Variants in KSR1 observed in about 807,000 individuals in gnomAD.
KSR1 encodes kinase suppressor of ras.
KSR1 carries 35 observed loss-of-function variants against 92.9 expected under a neutral mutation model. The ratio of observed to expected loss-of-function variants is 0.38; its 90% CI spans 0.29 to 0.50. The LOEUF (loss-of-function observed/expected upper bound fraction) is 0.50. KSR1 is among the 20% of genes least tolerant of loss of function. The pLI, the probability that KSR1 is intolerant of heterozygous loss-of-function variation, is 0.94. For synonymous variants in KSR1, 467 were observed against 472.6 expected, an observed-to-expected ratio of 0.99 and a Z score of 0.15; for missense variants, 972 against 1,158.5, an observed-to-expected ratio of 0.84 and a Z score of 2.34.
intron 1 of KSR1, among the ~76,000 whole-genome samples, chr17:27,482,390 G>A (rs1436626982): frequency 6.6e-6 from 1 of 152,210 alleles, no homozygotes; most frequent in Non-Finnish European, 1.5e-5. Flanking sequence ...GAATGTGTAC[G>A]ACCTCTGGTA....
intron 11 of KSR1, among the ~76,000 whole-genome samples, chr17:27,602,426 T>C (rs1248520679): frequency 1.3e-5 from 2 of 152,226 alleles, no homozygotes; most frequent in African/African-American, 2.4e-5. Flanking sequence ...TGGGAAGATA[T>C]GGCTCTTCTC....
intron 1 of KSR1, among the ~76,000 whole-genome samples, chr17:27,532,417 G>A (rs1639258891): frequency 1.3e-5 from 2 of 152,338 alleles, no homozygotes; most frequent in African/African-American, 2.4e-5. Flanking sequence ...TTTCAGGTAC[G>A]GGCTGCTCTG....
In KSR1 at chr17:27,508,709, T is replaced by TTTTTTTTATTTA. The variant is rs1555572323; in HGVS notation, c.232-41856_232-41855insTTTTATTTATTT. The stretch of plus-strand genomic sequence containing the variant: ...TTTCCTAGGTTTGGGCCTGAATTTT[T>TTTTTTTTATTTA]TTTATTTATTTATTTATTTATTTAT... On this transcript the variant is annotated intron_variant, in intron 1 of 20. Coordinates refer to ENST00000644974, the MANE Select transcript of KSR1 (RefSeq NM_001394583.1). Among the ~76,000 whole-genome samples, 180 of 138,326 alleles carry TTTTTTTTATTTA rather than the reference T, an allele frequency of 1.3e-3. 1 individual carries two copies. Among genetic ancestry groups the TTTTTTTTATTTA allele is most frequent in the South Asian group, 5.6e-3 (23 of 4,116 alleles). The allele number at this position is 138,326 out of a possible 152,430, so 90.7% of individuals were successfully genotyped here.
intron 1 of KSR1, among the ~76,000 whole-genome samples, chr17:27,540,722 TGGGCGCCCTTGA>T (rs2070933358): frequency 6.6e-6 from 1 of 152,206 alleles, no homozygotes; most frequent in African/African-American, 2.4e-5. Context: ...TCAGCCCCCG[TGGGCGCCCTTGA>T]GGGCTGGGCA....
intron 1 of KSR1, among the ~76,000 whole-genome samples, chr17:27,457,089 G>T (rs2019208620): frequency 6.6e-6 from 1 of 152,152 alleles, no homozygotes; most frequent in South Asian, 2.1e-4. Flanking sequence ...GTGGGAACTG[G>T]GATGGAGGCT....
intron 18 of KSR1, among the ~76,000 whole-genome samples, chr17:27,614,099 G>A (rs1028873596): frequency 6.6e-6 from 1 of 152,184 alleles, no homozygotes; most frequent in South Asian, 2.1e-4. Flanking sequence ...CCCATGCCTG[G>A]CATAGTCTTT....
Position 27,577,653 on chromosome 17 carries a change from G to C in KSR1, c.520+14G>C. On this transcript the variant is annotated intron_variant, in intron 3 of 20. Coordinates refer to ENST00000644974, the MANE Select transcript of KSR1 (RefSeq NM_001394583.1). The surrounding 1 kb of genome is among the most constrained non-coding windows in gnomAD (Gnocchi z 4.5). ...TGACAGGCCTGGGTACGTGGGGCCTGCCACCCTCTCCCTTGCCTGGCCTGG... is the reference window on the plus strand; with the variant it reads ...TGACAGGCCTGGGTACGTGGGGCCTCCCACCCTCTCCCTTGCCTGGCCTGG... 6.5e-7 allele frequency: 1 copy of C among 1,535,778 alleles called. No homozygotes were observed. Among genetic ancestry groups the C allele is most frequent in the Non-Finnish European group, 8.8e-7 (1 of 1,142,350 alleles).
intron 1 of KSR1, among the ~76,000 whole-genome samples, chr17:27,511,755 G>T (rs2069608378): frequency 6.6e-6 from 1 of 152,206 alleles, no homozygotes; most frequent in Non-Finnish European, 1.5e-5. Context: ...AGGTGAGGGG[G>T]CTCTCAGGGT....
chr17:27,504,044 C>T (rs2069287905), intron 1 of KSR1, among the ~76,000 whole-genome samples: 1 of 152,150 alleles, frequency 6.6e-6, no homozygotes, highest in Non-Finnish European at 1.5e-5. Context: ...GGATAAAAGC[C>T]CAAGCATCCA....
rs1474629386 is a variant in KSR1 at position 27,601,870 on chromosome 17, C to G, written c.1510+469C>G. 5 of 1,591,956 alleles carry G rather than the reference C, an allele frequency of 3.1e-6. No homozygotes were observed. The African/African-American group carries it at 5.4e-5, about 17-fold the overall frequency. On this transcript the variant is annotated intron_variant, in intron 11 of 20. Coordinates refer to ENST00000644974, the MANE Select transcript of KSR1 (RefSeq NM_001394583.1). ...TGCGGGCTTCTCTTAGTGGGCTTCA[C>G]CCTTCTGTGCCTTACCACACAGTGC...
At chr17:27,562,376 A>G (rs2071868240) in intron 2 of KSR1, among the ~76,000 whole-genome samples, 1 of 152,244 alleles carries the variant, frequency 6.6e-6, no homozygotes, top group Admixed American at 6.5e-5. Context: ...CACCTGGGCC[A>G]GTGAAGGTTG....
At chr17:27,517,666 T>G (rs2069855849) in intron 1 of KSR1, among the ~76,000 whole-genome samples, 1 of 152,220 alleles carries the variant, frequency 6.6e-6, no homozygotes, top group African/African-American at 2.4e-5. Flanking sequence ...TGTGTAGCAT[T>G]TCATCAAATG....
At chr17:27,584,319 T>C (rs1041709784) in intron 4 of KSR1, among the ~76,000 whole-genome samples, 1 of 152,160 alleles carries the variant, frequency 6.6e-6, no homozygotes, top group Admixed American at 6.5e-5. Flanking sequence ...TGATCCCCTC[T>C]CCCAGTGCAT....
In KSR1 at chr17:27,470,422, A is replaced by G. The variant is rs542540061; in HGVS notation, c.231+13548A>G. On this transcript the variant is annotated intron_variant, in intron 1 of 20. Transcript: ENST00000644974. ...ACGCCCAGCTAATTTTTATATTTTT[A>G]GTAGAGACAGGGTTTCACCATGTTG... is the stretch of plus-strand genomic sequence containing the variant. Among the ~76,000 whole-genome samples, 4 of 152,006 alleles carry G rather than the reference A, an allele frequency of 2.6e-5. No homozygotes were observed. The East Asian group carries it at 7.8e-4, about 29-fold the overall frequency.
At chr17:27,498,954 C>T (rs1261017476) in intron 1 of KSR1, among the ~76,000 whole-genome samples, 7 of 152,078 alleles carry the variant, frequency 4.6e-5, no homozygotes, top group Admixed American at 4.6e-4. Context: ...ACCCTCAGAT[C>T]TGAGTTAGGT....
At chr17:27,470,870 CTT>C (rs35823501) in intron 1 of KSR1, among the ~76,000 whole-genome samples, 13 of 148,774 alleles carry the variant, frequency 8.7e-5, no homozygotes, top group East Asian at 2.0e-4. Flanking sequence ...CATTCAGTGA[CTT>C]TTTTTTTTTT....
At position 27,534,883 on chromosome 17, in the gene KSR1, C is replaced by T. The variant is rs577172206; in HGVS notation, c.232-15685C>T. Reference sequence around the variant, plus strand: ...TCAGGTCTGATTTTTATGTCCCCTACATCCCATATCTCCTTCCTCTGACCA... The same window carrying T: ...TCAGGTCTGATTTTTATGTCCCCTATATCCCATATCTCCTTCCTCTGACCA... On this transcript the variant is annotated intron_variant, in intron 1 of 20. Coordinates refer to ENST00000644974, the MANE Select transcript of KSR1 (RefSeq NM_001394583.1). Among the ~76,000 whole-genome samples, 4 of 152,338 alleles carry T rather than the reference C, an allele frequency of 2.6e-5. No individual in the cohort carries two copies. In the East Asian group the frequency reaches 7.7e-4, roughly 29 times the overall value.
intron 12 of KSR1, among the ~76,000 whole-genome samples, chr17:27,604,283 C>T (rs1318972199): frequency 1.3e-5 from 2 of 152,220 alleles, no homozygotes; most frequent in African/African-American, 2.4e-5. Context: ...TCTTAACATA[C>T]AGCCAGCCCA....
intron 1 of KSR1, among the ~76,000 whole-genome samples, chr17:27,467,556 C>T (rs1222963648): frequency 6.6e-6 from 1 of 152,132 alleles, no homozygotes; most frequent in Non-Finnish European, 1.5e-5. Context: ...GTGAATGGGT[C>T]TCTTAGGGTG....
Sources: allele counts gnomAD v4.1 joint callset (sites outside exome capture counted in the v4.1 genomes callset), GRCh38; gene constraint gnomAD v4.1.1; non-coding constraint Gnocchi (gnomAD v3.1); transcripts MANE v1.5; gene names NCBI Gene and HGNC (gene_info 2026-07-23, HGNC 2026-07-21).